KIRREL3: variants seen among roughly 807,000 people sequenced by gnomAD.
KIRREL3 encodes kin of IRRE-like protein 3.
In KIRREL3, 36 loss-of-function variants were observed where a neutral mutation model predicts 89.7. The ratio of observed to expected loss-of-function variants is 0.40; its 90% CI spans 0.31 to 0.53. The LOEUF (loss-of-function observed/expected upper bound fraction) is 0.53. Ranked by LOEUF, KIRREL3 falls within the 20% of genes least tolerant of loss-of-function variation. The pLI is 0.49. For missense variants in KIRREL3, 864 were observed against 1,056.6 expected (o/e 0.82, Z 2.53); for synonymous variants, 445 against 441.4 (o/e 1.01, Z -0.10).
rs555808421 is a variant in KIRREL3 at position 126,501,160 on chromosome 11, C to A, written c.433+20155G>T. Among the ~76,000 whole-genome samples, 1 of 152,338 alleles carries A rather than the reference C, an allele frequency of 6.6e-6. No individual in the cohort carries two copies. Among genetic ancestry groups the A allele is most frequent in the South Asian group, 2.1e-4 (1 of 4,830 alleles). On this transcript the variant is annotated intron_variant, in intron 4 of 16. Transcript: ENST00000525144. This position sits in a 1 kb window ranked among gnomAD's most constrained non-coding sequence, Gnocchi z 5.8. ...AGGACACTACTGGTGGACAGCTGGT[C>A]CGTCCCACACTTTTCTCTGCACGTC... is the stretch of plus-strand genomic sequence containing the variant.
In KIRREL3 at chr11:126,639,425, T is replaced by G. The variant is rs895562363; in HGVS notation, c.56-76513A>C. 2.6e-5 allele frequency among the ~76,000 whole-genome samples: 4 copies of G among 152,210 alleles called. No homozygotes were observed. The highest frequency in any genetic ancestry group is 9.6e-5 in the African/African-American group (4 of 41,452). On this transcript the variant is annotated intron_variant, in intron 1 of 16. Coordinates refer to ENST00000525144, the MANE Select transcript of KIRREL3 (RefSeq NM_032531.4). This position sits in a 1 kb window ranked among gnomAD's most constrained non-coding sequence, Gnocchi z 4.3. ...CTCATTTAAAAGTTGTTTGTATATATTTTTTAATGGAACCCAATCCCTTAA... is the reference window on the plus strand; with the variant it reads ...CTCATTTAAAAGTTGTTTGTATATAGTTTTTAATGGAACCCAATCCCTTAA...
chr11:126,743,145 A>C (rs1338053489), intron 1 of KIRREL3, among the ~76,000 whole-genome samples: 1 of 152,198 alleles, frequency 6.6e-6, no homozygotes, highest in African/African-American at 2.4e-5. Context: ...TTGAAATTAG[A>C]GTAGTTGGCA....
At chr11:126,738,314 T>C (rs1331948581) in intron 1 of KIRREL3, among the ~76,000 whole-genome samples, 2 of 152,124 alleles carry the variant, frequency 1.3e-5, no homozygotes, top group African/African-American at 4.8e-5. Context: ...TCTGGTCCTT[T>C]TCCTTTGAGC....
At position 126,562,098 on chromosome 11, in the gene KIRREL3, T is replaced by G. The variant is rs1940170510; in HGVS notation, c.133+737A>C. On this transcript the variant is annotated intron_variant, in intron 2 of 16. Transcript: ENST00000525144. This position sits in a 1 kb window ranked among gnomAD's most constrained non-coding sequence, Gnocchi z 4.7. Reference sequence around the variant, plus strand: ...TCCCCAGCCATTGTTTATCTACTTTTGAATCCTGACAAATAGTCTGTGGCA... The same window carrying G: ...TCCCCAGCCATTGTTTATCTACTTTGGAATCCTGACAAATAGTCTGTGGCA... Among the ~76,000 whole-genome samples, 1 of 152,240 alleles carries G rather than the reference T, an allele frequency of 6.6e-6. No individual in the cohort carries two copies. Among genetic ancestry groups the G allele is most frequent in the South Asian group, 2.1e-4 (1 of 4,832 alleles).
intron 1 of KIRREL3, among the ~76,000 whole-genome samples, chr11:126,835,020 A>C (rs1055280612): frequency 7.9e-5 from 12 of 152,162 alleles, no homozygotes; most frequent in Non-Finnish European, 4.4e-5. Context: ...CCACTTCCCT[A>C]CTTTCCAGAA....
chr11:126,445,216 C>G lies in KIRREL3; in HGVS notation c.1126-111G>C, dbSNP rs1480737615. ...CTGGGGTAACTGAGGCAGTCTCCGGCATCTCAGTAGGAAGCAAGGTGGGGA... is the reference window on the plus strand; with the variant it reads ...CTGGGGTAACTGAGGCAGTCTCCGGGATCTCAGTAGGAAGCAAGGTGGGGA... On this transcript the variant is annotated intron_variant, in intron 9 of 16. Transcript: ENST00000525144. 9.5e-6 allele frequency: 13 copies of G among 1,373,460 alleles called. No homozygotes were observed. The East Asian group carries it at 1.5e-4, about 16-fold the overall frequency. The allele number at this position is 1,373,460 out of a possible 1,614,324, so 85.1% of individuals were successfully genotyped here. A position where few individuals can be genotyped will look rare whatever the true frequency, so the allele number is the denominator to read the frequency against.
chr11:126,588,674 A>G (rs887707027), intron 1 of KIRREL3, among the ~76,000 whole-genome samples: 13 of 152,210 alleles, frequency 8.5e-5, no homozygotes, highest in Non-Finnish European at 1.6e-4. Context: ...TTACCAATTT[A>G]TTATGCTTTT....
At chr11:126,673,055 G>C (rs1192032555) in intron 1 of KIRREL3, among the ~76,000 whole-genome samples, 1 of 152,218 alleles carries the variant, frequency 6.6e-6, no homozygotes, top group East Asian at 1.9e-4. Context: ...TGGTCCCCCA[G>C]TGTAGAGCTG....
chr11:126,442,349 C>A (rs1318502284), intron 10 of KIRREL3, among the ~76,000 whole-genome samples: 28 of 114,112 alleles, frequency 2.5e-4, no homozygotes, highest in African/African-American at 8.5e-4. Flanking sequence ...CACACACACA[C>A]ACACAAAACC....
chr11:126,759,730 T>C (rs1304313232), intron 1 of KIRREL3, among the ~76,000 whole-genome samples: 1 of 152,226 alleles, frequency 6.6e-6, no homozygotes, highest in Non-Finnish European at 1.5e-5. Flanking sequence ...CATAAGTATA[T>C]CTAACATCTT....
At chr11:126,646,594 C>T (rs556200671) in intron 1 of KIRREL3, among the ~76,000 whole-genome samples, 4 of 151,352 alleles carry the variant, frequency 2.6e-5, no homozygotes, top group Non-Finnish European at 5.9e-5. Flanking sequence ...CCTGCTTCAG[C>T]CTCCTGAGTA....
chr11:126,779,190 C>A (rs1364913492), intron 1 of KIRREL3, among the ~76,000 whole-genome samples: 1 of 152,226 alleles, frequency 6.6e-6, no homozygotes, highest in African/African-American at 2.4e-5. Flanking sequence ...ATTGTCCATA[C>A]ATGGAAGTCT....
At position 126,651,231 on chromosome 11, in the gene KIRREL3, A is replaced by G. The variant is rs1944896716; in HGVS notation, c.56-88319T>C. Among the ~76,000 whole-genome samples, 1 of 152,238 alleles carries G rather than the reference A, an allele frequency of 6.6e-6. No homozygotes were observed. The highest frequency in any genetic ancestry group is 2.1e-4 in the South Asian group (1 of 4,832). On this transcript the variant is annotated intron_variant, in intron 1 of 16. Transcript: ENST00000525144. The surrounding 1 kb of genome is among the most constrained non-coding windows in gnomAD (Gnocchi z 4.6). ...CCTTGCTATAGGATTTCTCAGCTAGACTAAGAAAGTCTTTTGGGAATTGGT... is the reference window on the plus strand; with the variant it reads ...CCTTGCTATAGGATTTCTCAGCTAGGCTAAGAAAGTCTTTTGGGAATTGGT...
At chr11:126,919,447 C>A (rs984463445) in intron 1 of KIRREL3, among the ~76,000 whole-genome samples, 9 of 152,204 alleles carry the variant, frequency 5.9e-5, no homozygotes, top group African/African-American at 1.9e-4. Flanking sequence ...CTACTTTAAA[C>A]CTTGGTAGTT....
Position 126,474,904 on chromosome 11 carries a change from C to T in KIRREL3, c.434-1438G>A, listed in dbSNP as rs546075115. ...TTTCCCATGCTTGTGCTTGGGGACA[C>T]GTTGAGAGTCTCAGGCCTCTGCTGC... is the stretch of plus-strand genomic sequence containing the variant. On this transcript the variant is annotated intron_variant, in intron 4 of 16. Coordinates refer to ENST00000525144, the MANE Select transcript of KIRREL3 (RefSeq NM_032531.4). This position sits in a 1 kb window ranked among gnomAD's most constrained non-coding sequence, Gnocchi z 6.7. 1.3e-5 allele frequency among the ~76,000 whole-genome samples: 2 copies of T among 152,294 alleles called. No individual in the cohort carries two copies. The highest frequency in any genetic ancestry group is 6.5e-5 in the Admixed American group (1 of 15,306).
In KIRREL3 at chr11:126,436,877, T is replaced by C; in HGVS notation, c.1486A>G (p.Ile496Val). The change falls in exon 12 of 17, where the codon ATC becomes GTC. Residue 496 changes from isoleucine to valine, a missense_variant. Transcript: ENST00000525144. ...SNIVRADFQTIYNCTAWNSFG... is the reference protein window; with the variant it reads ...SNIVRADFQTVYNCTAWNSFG... ...CTGTTCCAGGCCGTGCAGTTGTAGA[T>C]GGTCTGGAAGTCGGCCCGCACGATG... 3 of 1,613,720 alleles carry C rather than the reference T, an allele frequency of 1.9e-6. No individual in the cohort carries two copies. The highest frequency in any genetic ancestry group is 2.5e-6 in the Non-Finnish European group (3 of 1,179,870).
intron 2 of KIRREL3, among the ~76,000 whole-genome samples, chr11:126,534,042 G>T (rs1959025296): frequency 6.6e-6 from 1 of 152,126 alleles, no homozygotes; most frequent in Non-Finnish European, 1.5e-5. Flanking sequence ...ACTATCCAAT[G>T]ACTTATTGAA....
Position 126,664,240 on chromosome 11 carries a change from T to A in KIRREL3, c.56-101328A>T, listed in dbSNP as rs546520710. Among the ~76,000 whole-genome samples, 1 of 152,138 alleles carries A rather than the reference T, an allele frequency of 6.6e-6. No homozygotes were observed. Among genetic ancestry groups the A allele is most frequent in the East Asian group, 1.9e-4 (1 of 5,174 alleles). Reference sequence around the variant, plus strand: ...GCTTTTGCTGGGGCCATTAGCATTTTTTTTTTTTTTACCATCATTATGATC... The same window carrying A: ...GCTTTTGCTGGGGCCATTAGCATTTATTTTTTTTTTACCATCATTATGATC... On this transcript the variant is annotated intron_variant, in intron 1 of 16. Coordinates refer to ENST00000525144, the MANE Select transcript of KIRREL3 (RefSeq NM_032531.4). The surrounding 1 kb of genome is among the most constrained non-coding windows in gnomAD (Gnocchi z 5.4).
At chr11:126,437,109 C>G in intron 11 of KIRREL3, 100 bp from the exon 12 acceptor site, 1 of 1,060,316 alleles carries the variant, frequency 9.4e-7, no homozygotes, top group Non-Finnish European at 1.3e-6. Context: ...TGTTCATGCT[C>G]ACTGCCACAC....
Sources: gnomAD v4.1 joint callset for allele counts (sites outside exome capture counted in the v4.1 genomes callset) on GRCh38, gnomAD v4.1.1 for gene constraint, Gnocchi (gnomAD v3.1) non-coding constraint, MANE v1.5 for transcripts, NCBI Gene and HGNC (gene_info 2026-07-23, HGNC 2026-07-21) for gene names.